TRMT9B: variants seen among roughly 807,000 people sequenced by gnomAD.
TRMT9B encodes the protein tRNA methyltransferase 9B (putative), also known as probable tRNA methyltransferase 9B.
A neutral mutation model predicts 11.5 loss-of-function variants in TRMT9B; 16 were observed. The ratio of observed to expected loss-of-function variants is 1.39; its 90% CI spans 0.94 to 2.11. The LOEUF (loss-of-function observed/expected upper bound fraction) is 2.11, where lower values mean the gene tolerates loss of function less well. TRMT9B is among the 30% of genes most tolerant of loss of function. The probability of loss-of-function intolerance (pLI) is 0.00; values close to 1 mark genes in which losing one functional copy is unlikely to be tolerated. For missense variants in TRMT9B, 941 were observed against 553.8 expected (o/e 1.70, Z -7.02); for synonymous variants, 274 against 192.4 (o/e 1.42, Z -3.51).
intron 1 of TRMT9B, among the ~76,000 whole-genome samples, chr8:12,983,825 A>T (rs1172837826): frequency 6.6e-6 from 1 of 152,194 alleles, no homozygotes; most frequent in Non-Finnish European, 1.5e-5. Context: ...AGCATTGCAG[A>T]TGGAGACAGA....
chr8:12,970,908 T>G (rs887088996), intron 1 of TRMT9B, among the ~76,000 whole-genome samples: 54 of 152,228 alleles, frequency 3.5e-4, no homozygotes, highest in Admixed American at 3.5e-3. Flanking sequence ...TGGGGGATGT[T>G]AAAACACATT....
At chr8:13,009,432 A>ACCG (rs1266508901) in intron 3 of TRMT9B, among the ~76,000 whole-genome samples, 2 of 152,222 alleles carry the variant, frequency 1.3e-5, no homozygotes, top group African/African-American at 2.4e-5. Context: ...TTAATAGGTA[A>ACCG]CCCACTGATA....
intron 2 of TRMT9B, among the ~76,000 whole-genome samples, chr8:13,005,274 G>T (rs1047745208): frequency 3.9e-5 from 6 of 152,062 alleles, no homozygotes; most frequent in Admixed American, 2.0e-4. Context: ...GTAGAAGGAT[G>T]GTTACGAGAG....
intron 4 of TRMT9B, among the ~76,000 whole-genome samples, chr8:13,014,433 C>G (rs1314551229): frequency 6.6e-6 from 1 of 152,144 alleles, no homozygotes; most frequent in Non-Finnish European, 1.5e-5. Flanking sequence ...TTAATTCTTG[C>G]TGCATCATCA....
rs770327302 is a variant in TRMT9B at position 13,006,304 on chromosome 8, T to G, written c.102T>G (p.Arg34=). 6.8e-6 allele frequency: 11 copies of G among 1,613,656 alleles called. No homozygotes were observed. The East Asian group carries it at 2.0e-4, about 29-fold the overall frequency. The change falls in exon 3 of 5, where the codon CGT becomes CGG. Residue 34 remains arginine, a synonymous_variant. Coordinates refer to ENST00000524591, the MANE Select transcript of TRMT9B (RefSeq NM_020844.3). ...ACCTGCAGAGCAAAGCCTGGCCTCGTGTCCGCCAGTTCCTGCAAGAGCAGA... is the reference window on the plus strand; with the variant it reads ...ACCTGCAGAGCAAAGCCTGGCCTCGGGTCCGCCAGTTCCTGCAAGAGCAGA... ...FSDLQSKAWP[R]VRQFLQEQKP...
intron 2 of TRMT9B, among the ~76,000 whole-genome samples, chr8:13,003,814 A>G (rs1310455868): frequency 6.6e-6 from 1 of 150,584 alleles, no homozygotes; most frequent in Non-Finnish European, 1.5e-5. Flanking sequence ...TTAACACACA[A>G]AAAAAGCACC....
intron 1 of TRMT9B, among the ~76,000 whole-genome samples, chr8:12,954,763 A>G (rs748974418): frequency 2.0e-5 from 3 of 152,234 alleles, no homozygotes; most frequent in Non-Finnish European, 4.4e-5. Context: ...CCTTGCATAG[A>G]ACTCCTAGCT....
chr8:13,007,210 C>T (rs961861891), intron 3 of TRMT9B: 4 of 152,204 alleles, frequency 2.6e-5, no homozygotes, highest in African/African-American at 9.6e-5. Context: ...TCTTATGAAT[C>T]TCATGGGTCC....
chr8:12,990,546 A>G (rs1807157916), intron 1 of TRMT9B, among the ~76,000 whole-genome samples: 2 of 152,232 alleles, frequency 1.3e-5, no homozygotes, highest in South Asian at 4.1e-4. Flanking sequence ...CCCTGGAATC[A>G]GAGATGACTC....
intron 1 of TRMT9B, among the ~76,000 whole-genome samples, chr8:12,986,871 T>G (rs1450767975): frequency 1.3e-5 from 2 of 152,232 alleles, no homozygotes; most frequent in African/African-American, 4.8e-5. Context: ...GCTAACATAT[T>G]TAACCAAGTT....
At chr8:13,009,667 T>C (rs957174409) in intron 3 of TRMT9B, among the ~76,000 whole-genome samples, 7 of 152,194 alleles carry the variant, frequency 4.6e-5, no homozygotes, top group African/African-American at 1.7e-4. Flanking sequence ...AAAACAATTA[T>C]AATTATACAC....
At chr8:13,014,694 C>G (rs964125392) in intron 4 of TRMT9B, among the ~76,000 whole-genome samples, 6 of 152,266 alleles carry the variant, frequency 3.9e-5, no homozygotes, top group African/African-American at 1.2e-4. Flanking sequence ...TTAAGCAACA[C>G]TATACAATGC....
Position 13,027,110 on chromosome 8 carries a change from C to A in TRMT9B, c.*5066C>A, listed in dbSNP as rs1485445574. On this transcript the variant is annotated 3_prime_UTR_variant, in exon 5 of 5. Coordinates refer to ENST00000524591, the MANE Select transcript of TRMT9B (RefSeq NM_020844.3). ...ATAAGTAAGGCAACTGAGGACTATT[C>A]AGATATTTCATTCACTCCATTTGTT... 2 of 167,042 alleles carry A rather than the reference C, an allele frequency of 1.2e-5. No homozygotes were observed. The highest frequency in any genetic ancestry group is 2.9e-5 in the Non-Finnish European group (2 of 68,120). 10.3% of individuals were successfully genotyped at this position (167,042 alleles called of 1,614,324 possible).
chr8:13,011,826 A>G, intron 3 of TRMT9B: 1 of 964,774 alleles, frequency 1.0e-6, no homozygotes, highest in South Asian at 4.8e-5. Context: ...ATGAATAGAG[A>G]TTGGATAAAA....
At chr8:13,016,664 C>T (rs1282520502) in intron 4 of TRMT9B, among the ~76,000 whole-genome samples, 4 of 151,606 alleles carry the variant, frequency 2.6e-5, no homozygotes, top group South Asian at 4.2e-4. Flanking sequence ...GTCTGATAAA[C>T]ATCCTAGGGA....
At chr8:12,959,671 C>A (rs11991317) in intron 1 of TRMT9B, among the ~76,000 whole-genome samples, 61,768 of 151,262 alleles carry the variant, frequency 0.41, 13,442 homozygotes, top group Middle Eastern at 0.58. Context: ...AGGTTCACGC[C>A]ACTACACCTA....
intron 3 of TRMT9B, among the ~76,000 whole-genome samples, chr8:13,008,885 C>A (rs1283142117): frequency 2.6e-5 from 4 of 152,096 alleles, no homozygotes; most frequent in African/African-American, 9.7e-5. Context: ...CCCGCCACCA[C>A]GCCCAGCTAA....
chr8:12,957,985 A>T (rs542309682), intron 1 of TRMT9B, among the ~76,000 whole-genome samples: 14 of 152,288 alleles, frequency 9.2e-5, no homozygotes, highest in African/African-American at 3.4e-4. Flanking sequence ...TGCTGTTAAA[A>T]ATATCAATAA....
intron 1 of TRMT9B, chr8:12,958,748 G>A (rs1370313508): frequency 1.3e-5 from 2 of 152,136 alleles, no homozygotes; most frequent in Non-Finnish European, 2.9e-5. Flanking sequence ...TATACACCAT[G>A]GAATACTATG....
Sources: allele counts gnomAD v4.1 joint callset (sites outside exome capture counted in the v4.1 genomes callset), GRCh38; gene constraint gnomAD v4.1.1; transcripts MANE v1.5; gene names NCBI Gene and HGNC (gene_info 2026-07-23, HGNC 2026-07-21).